ALDH9A1: variants seen among roughly 807,000 people sequenced by gnomAD.
ALDH9A1 encodes the protein aldehyde dehydrogenase 9 family member A1.
Under a neutral mutation model 56.6 loss-of-function variants are expected in ALDH9A1, and 42 were observed. That is an observed-to-expected ratio of 0.74 (90% CI 0.58 to 0.96). The LOEUF is 0.96. Ranked by LOEUF, ALDH9A1 falls within the 40% of genes least tolerant of loss-of-function variation. ALDH9A1 has a pLI of 0.00. For missense variants in ALDH9A1, 661 were observed against 651.5 expected, an observed-to-expected ratio of 1.01 and a Z score of -0.16; for synonymous variants, 242 against 236.0, an observed-to-expected ratio of 1.03 and a Z score of -0.23.
At chr1:165,669,664 T>C (rs1174264518) in intron 6 of ALDH9A1, among the ~76,000 whole-genome samples, 5 of 152,162 alleles carry the variant, frequency 3.3e-5, no homozygotes, top group Non-Finnish European at 5.9e-5. Context: ...ATCTGCCCTT[T>C]GAGGTAAAAG....
At chr1:165,693,531 G>C (rs6647067) in intron 2 of ALDH9A1, among the ~76,000 whole-genome samples, 55,602 of 152,000 alleles carry the variant, frequency 0.37, 10,345 homozygotes, top group East Asian at 0.59. Context: ...TCTCACACCA[G>C]TTAGAATGGC....
chr1:165,693,499 T>G (rs1004372654), intron 2 of ALDH9A1, among the ~76,000 whole-genome samples: 1 of 152,064 alleles, frequency 6.6e-6, no homozygotes, highest in Non-Finnish European at 1.5e-5. Context: ...GAAATGCAAA[T>G]CAAACCCACA....
chr1:165,681,630 T>C (rs571877396), intron 4 of ALDH9A1, among the ~76,000 whole-genome samples: 1 of 152,324 alleles, frequency 6.6e-6, no homozygotes, highest in African/African-American at 2.4e-5. Flanking sequence ...AAGAAAACTA[T>C]TTTATGTCAA....
At chr1:165,664,013 A>T (rs1333092747) in intron 10 of ALDH9A1, among the ~76,000 whole-genome samples, 1 of 152,206 alleles carries the variant, frequency 6.6e-6, no homozygotes, top group East Asian at 1.9e-4. Flanking sequence ...CAAACAAATA[A>T]TTCCCTGCAC....
At chr1:165,669,516 G>T in intron 6 of ALDH9A1, 66 bp from the exon 7 acceptor site, 5 of 1,366,240 alleles carry the variant, frequency 3.7e-6, no homozygotes, top group Non-Finnish European at 4.9e-6. Flanking sequence ...AAGGAAAAAT[G>T]AACACAATCT....
At position 165,672,447 on chromosome 1, in the gene ALDH9A1, G is replaced by A. The variant is rs112389342; in HGVS notation, c.931-2997C>T. On this transcript the variant is annotated intron_variant, in intron 6 of 10. Coordinates refer to ENST00000354775, the MANE Select transcript of ALDH9A1 (RefSeq NM_000696.4). ...GTATGATTGCATTTATAAAAGGTACGTAGAATAGTCAAATTCATAGAGACG... is the reference window on the plus strand; with the variant it reads ...GTATGATTGCATTTATAAAAGGTACATAGAATAGTCAAATTCATAGAGACG... 6.3e-3 allele frequency among the ~76,000 whole-genome samples: 963 copies of A among 152,244 alleles called. 31 individuals carry two copies. The South Asian group carries it at 0.073, about 12-fold the overall frequency.
At chr1:165,665,340 G>T in intron 9 of ALDH9A1, 1 of 506,082 alleles carries the variant, frequency 2.0e-6, no homozygotes, top group Non-Finnish European at 3.6e-6. Flanking sequence ...ATAAGTAACA[G>T]CAATAAGGGT....
intron 5 of ALDH9A1, 28 bp downstream of exon 5, chr1:165,680,459 T>C (rs765209056): frequency 1.2e-6 from 2 of 1,610,000 alleles, no homozygotes; most frequent in East Asian, 2.2e-5. Flanking sequence ...ATGCCATGTG[T>C]GTTGACCAAT....
intron 10 of ALDH9A1, among the ~76,000 whole-genome samples, chr1:165,663,841 T>G (rs1648918830): frequency 6.6e-6 from 1 of 152,208 alleles, no homozygotes. Context: ...TGTCTTTTGT[T>G]CCTTTCCAAA....
At position 165,669,311 on chromosome 1, in the gene ALDH9A1, C is replaced by A; in HGVS notation, c.1070G>T (p.Arg357Leu). ...EDTRMGPLIN[R>L]PHLERVLGFV... The stretch of plus-strand genomic sequence containing the variant: ...CCCAAGGACTCGCTCCAGGTGTGGT[C>A]GGTTGATGAGTGGACCCATCCTTGT... The change falls in exon 7 of 11, where the codon CGA (arginine) becomes CTA (leucine). Residue 357 changes from arginine to leucine, a missense_variant. Coordinates refer to ENST00000354775, the MANE Select transcript of ALDH9A1 (RefSeq NM_000696.4). 1 of 1,613,414 alleles carries A rather than the reference C, an allele frequency of 6.2e-7. No individual in the cohort carries two copies. Among genetic ancestry groups the A allele is most frequent in the Non-Finnish European group, 8.5e-7 (1 of 1,179,770 alleles).
intron 6 of ALDH9A1, chr1:165,676,606 C>A: frequency 1.3e-5 from 4 of 305,746 alleles, no homozygotes; most frequent in South Asian, 7.2e-5. Context: ...GCTCTAAGAC[C>A]CAAGATAGCT....
chr1:165,662,787 G>T lies in ALDH9A1; in HGVS notation c.*263C>A. The T allele has an allele frequency of 2.3e-6, 1 of 437,542 alleles. No individual in the cohort carries two copies. Among genetic ancestry groups the T allele is most frequent in the East Asian group, 4.2e-5 (1 of 23,754 alleles). The allele number at this position is 437,542 out of a possible 1,614,324, so 27.1% of individuals were successfully genotyped here. A position where few individuals can be genotyped will look rare whatever the true frequency, so the allele number is the denominator to read the frequency against. The stretch of plus-strand genomic sequence containing the variant: ...TAGTCTCTTTTCCTGTTCTCTAGAA[G>T]TATGTTACTGGCTCTTAAAAGATTT... On this transcript the variant is annotated 3_prime_UTR_variant, in exon 11 of 11. Transcript: ENST00000354775.
intron 6 of ALDH9A1, among the ~76,000 whole-genome samples, chr1:165,670,288 T>C (rs1293297505): frequency 2.0e-5 from 3 of 151,960 alleles, no homozygotes; most frequent in South Asian, 2.1e-4. Context: ...TAAAAATTAG[T>C]TGGGTGTGGT....
chr1:165,689,384 CAT>C (rs1043657287), intron 2 of ALDH9A1, among the ~76,000 whole-genome samples: 11 of 152,192 alleles, frequency 7.2e-5, no homozygotes, highest in African/African-American at 2.7e-4. Context: ...GTTCCTGAAA[CAT>C]GTGCTTATAC....
Position 165,682,179 on chromosome 1 carries a change from A to G in ALDH9A1, c.520T>C (p.Cys174Arg). The change falls in exon 4 of 11, where the codon TGT becomes CGT. Residue 174 changes from cysteine (C) to arginine (R), a missense_variant. Cys to Arg is a radical substitution (Grantham distance 180, BLOSUM62 -3). Coordinates refer to ENST00000354775, the MANE Select transcript of ALDH9A1 (RefSeq NM_000696.4). ...GYTRREPLGV[C>R]VGIGAWNYPF... ...TAGTTCCATGCTCCTATTCCCACAC[A>G]TACCCCAAGTGGTTCTCTTCTGGTA... The G allele has an allele frequency of 1.9e-6, 3 of 1,612,378 alleles. No homozygotes were observed. The highest frequency in any genetic ancestry group is 1.1e-5 in the South Asian group (1 of 91,038).
intron 5 of ALDH9A1, among the ~76,000 whole-genome samples, chr1:165,679,884 A>C (rs1649489545): frequency 6.6e-6 from 1 of 152,122 alleles, no homozygotes; most frequent in Non-Finnish European, 1.5e-5. Context: ...ACAGTGGCAC[A>C]TGACTGTAGT....
intron 2 of ALDH9A1, among the ~76,000 whole-genome samples, chr1:165,694,799 T>C (rs1294959724): frequency 6.6e-6 from 1 of 150,952 alleles, no homozygotes; most frequent in Non-Finnish European, 1.5e-5. Context: ...CTACGAAAAA[T>C]ACAAAAATTA....
intron 10 of ALDH9A1, among the ~76,000 whole-genome samples, chr1:165,664,285 A>T (rs989685243): frequency 6.6e-5 from 10 of 152,172 alleles, no homozygotes; most frequent in African/African-American, 2.4e-4. Flanking sequence ...CAAAGTCCAA[A>T]CCAATTTTCA....
chr1:165,676,479 C>A, intron 6 of ALDH9A1: 1 of 271,516 alleles, frequency 3.7e-6, no homozygotes, highest in Admixed American at 4.4e-5. Context: ...AAAGCATTAC[C>A]TGGGAAAAAC....
Sources: gnomAD v4.1 joint callset for allele counts (sites outside exome capture counted in the v4.1 genomes callset) on GRCh38, gnomAD v4.1.1 for gene constraint, MANE v1.5 for transcripts, NCBI Gene and HGNC (gene_info 2026-07-23, HGNC 2026-07-21) for gene names.